C16orf74: variants seen among roughly 807,000 people sequenced by gnomAD.
C16orf74 encodes the protein uncharacterized protein C16orf74.
Under a neutral mutation model 6.5 loss-of-function variants are expected in C16orf74, and 10 were observed. That is an observed-to-expected ratio of 1.54 (90% CI 0.95 to 2.61). C16orf74 has a LOEUF of 2.61. Among genes scored for constraint, C16orf74 ranks in the 30% most tolerant of loss-of-function variants. The pLI is 0.00. For synonymous variants in C16orf74, 60 were observed against 42.5 expected, an observed-to-expected ratio of 1.41 and a Z score of -1.60; for missense variants, 141 against 105.9, an observed-to-expected ratio of 1.33 and a Z score of -1.45.
intron 3 of C16orf74, among the ~76,000 whole-genome samples, chr16:85,708,498 C>T (rs150138246): frequency 6.6e-6 from 1 of 152,342 alleles, no homozygotes; most frequent in Non-Finnish European, 1.5e-5. Context: ...AGGAGGCGCA[C>T]TGCAGCAGGA....
intron 1 of C16orf74, among the ~76,000 whole-genome samples, chr16:85,748,148 A>ATATATATATGTG: frequency 1.4e-5 from 1 of 72,670 alleles, no homozygotes; most frequent in East Asian, 2.4e-4. Context: ...ATGTGTGTGT[A>ATATATATATGTG]TATATATATA....
chr16:85,708,886 G>T (rs1175226591), intron 3 of C16orf74, among the ~76,000 whole-genome samples: 1 of 152,234 alleles, frequency 6.6e-6, no homozygotes, highest in Non-Finnish European at 1.5e-5. Context: ...CCCCTGCATG[G>T]GCCCAGCGAG....
At chr16:85,712,768 C>G (rs1197083222) in intron 2 of C16orf74, among the ~76,000 whole-genome samples, 1 of 152,188 alleles carries the variant, frequency 6.6e-6, no homozygotes, top group African/African-American at 2.4e-5. Context: ...TTTAATCTTG[C>G]CTAAAAAGAG....
chr16:85,735,453 T>G lies in C16orf74; in HGVS notation c.-18-218A>C, dbSNP rs566707397. Among the ~76,000 whole-genome samples the G allele has an allele frequency of 5.7e-4, 87 of 152,244 alleles. 2 individuals carry two copies. In the South Asian group the frequency reaches 0.012, roughly 21 times the overall value. On this transcript the variant is annotated intron_variant, in intron 1 of 3. Coordinates refer to ENST00000284245, the MANE Select transcript of C16orf74 (RefSeq NM_206967.3). The stretch of plus-strand genomic sequence containing the variant: ...ACGGTGGAAAAAACTTACGGGTGCC[T>G]CAAAGTTAAATATACAGGAAGCCAA...
rs183585582 is a variant in C16orf74 at position 85,740,646 on chromosome 16, C to T, written c.-18-5411G>A. Reference sequence around the variant, plus strand: ...GGCGGAGCTTGCAGGGAGCCGAGATCGTGCCACTGCACTCCAGCGTGGGGC... The same window carrying T: ...GGCGGAGCTTGCAGGGAGCCGAGATTGTGCCACTGCACTCCAGCGTGGGGC... On this transcript the variant is annotated intron_variant, in intron 1 of 3. Coordinates refer to ENST00000284245, the MANE Select transcript of C16orf74 (RefSeq NM_206967.3). Among the ~76,000 whole-genome samples, 799 of 149,376 alleles carry T rather than the reference C, an allele frequency of 5.3e-3. 11 individuals carry two copies. The highest frequency in any genetic ancestry group is 0.018 in the African/African-American group (734 of 40,558).
At chr16:85,749,561 G>T (rs1040398488) in intron 1 of C16orf74, among the ~76,000 whole-genome samples, 1 of 152,260 alleles carries the variant, frequency 6.6e-6, no homozygotes, top group Non-Finnish European at 1.5e-5. Flanking sequence ...GCAGCCACAG[G>T]CGTGAGCCAC....
intron 1 of C16orf74, among the ~76,000 whole-genome samples, chr16:85,741,962 C>G (rs2054313502): frequency 1.3e-5 from 2 of 152,156 alleles, no homozygotes; most frequent in African/African-American, 4.8e-5. Flanking sequence ...AACACTGGGC[C>G]TGATGGGAGG....
intron 2 of C16orf74, among the ~76,000 whole-genome samples, chr16:85,734,107 C>T (rs184013638): frequency 6.6e-6 from 1 of 152,284 alleles, no homozygotes; most frequent in Non-Finnish European, 1.5e-5. Context: ...TCCTTGTTAA[C>T]CAGTATCCGC....
chr16:85,710,388 G>A (rs1198793049), intron 2 of C16orf74, 81 bp from the exon 3 acceptor site: 5 of 1,357,084 alleles, frequency 3.7e-6, no homozygotes, highest in East Asian at 3.1e-5. Flanking sequence ...AACCGCGGGC[G>A]CCACCCTCCC....
At chr16:85,718,630 G>C (rs1337074000) in intron 2 of C16orf74, among the ~76,000 whole-genome samples, 2 of 152,236 alleles carry the variant, frequency 1.3e-5, no homozygotes, top group East Asian at 3.8e-4. Context: ...AGGCATGAGA[G>C]GTTAAGGACC....
intron 1 of C16orf74, among the ~76,000 whole-genome samples, 193 bp from the exon 2 acceptor site, chr16:85,735,428 A>C (rs410639): frequency 0.96 from 146,674 of 152,244 alleles, 70,902 homozygotes; most frequent in Non-Finnish European, 1. Context: ...GGAGTCTGTG[A>C]CGGTGGAAAA....
At chr16:85,743,471 C>G (rs2054332825) in intron 1 of C16orf74, 1 of 152,162 alleles carries the variant, frequency 6.6e-6, no homozygotes, top group African/African-American at 2.4e-5. Flanking sequence ...TCCAGCGACT[C>G]CCAGCACCCA....
intron 2 of C16orf74, among the ~76,000 whole-genome samples, chr16:85,722,469 CAGCTCCAGGTAGG>C (rs981746596): frequency 9.8e-5 from 15 of 152,322 alleles, no homozygotes; most frequent in Admixed American, 2.0e-4. Context: ...GCTGGATTTG[CAGCTCCAGGTAGG>C]AGCAACATTC....
Position 85,708,071 on chromosome 16 carries a change from G to A in C16orf74, c.173-5C>T, listed in dbSNP as rs531654974. The A allele has an allele frequency of 1.3e-6, 2 of 1,552,752 alleles. No homozygotes were observed. The highest frequency in any genetic ancestry group is 1.4e-5 in the African/African-American group (1 of 73,102). On this transcript the variant is annotated splice_region_variant and splice_polypyrimidine_tract_variant and intron_variant, in intron 3 of 3. Transcript: ENST00000284245. ...ACCCTGTCTCATCCAGCCAGACTAG[G>A]AGAAAGAGGGGATGGACACCTGGAT...
At chr16:85,726,429 G>A (rs2054133609) in intron 2 of C16orf74, among the ~76,000 whole-genome samples, 1 of 152,194 alleles carries the variant, frequency 6.6e-6, no homozygotes. Flanking sequence ...GTTGGCTCCT[G>A]TTCGCAGCTT....
intron 2 of C16orf74, among the ~76,000 whole-genome samples, chr16:85,719,997 G>C (rs896746014): frequency 7.2e-5 from 11 of 152,200 alleles, no homozygotes; most frequent in African/African-American, 2.7e-4. Flanking sequence ...TTTAGTGCAG[G>C]TCTTTCAAAA....
rs533144008 is a variant in C16orf74 at position 85,743,375 on chromosome 16, C to T, written c.-19+7551G>A. 5.3e-5 allele frequency: 8 copies of T among 152,224 alleles called. No individual in the cohort carries two copies. In the South Asian group the frequency reaches 1.2e-3, roughly 24 times the overall value. The allele number at this position is 152,224 out of a possible 1,614,324, so 9.4% of individuals were successfully genotyped here. A position where few individuals can be genotyped will look rare whatever the true frequency, so the allele number is the denominator to read the frequency against. On this transcript the variant is annotated intron_variant, in intron 1 of 3. Transcript: ENST00000284245. ...TTCTGGGCCAAGTTTGCTATAAAAACGATGCCACTGAACCCTAACAATGCC... is the reference window on the plus strand; with the variant it reads ...TTCTGGGCCAAGTTTGCTATAAAAATGATGCCACTGAACCCTAACAATGCC...
At chr16:85,735,755 C>CG (rs954761769) in intron 1 of C16orf74, among the ~76,000 whole-genome samples, 2 of 151,894 alleles carry the variant, frequency 1.3e-5, no homozygotes, top group Admixed American at 1.3e-4. Flanking sequence ...GTGTGGCCCC[C>CG]CCAGCCCACG....
At chr16:85,750,775 G>T (rs932427724) in intron 1 of C16orf74, among the ~76,000 whole-genome samples, 151 bp downstream of exon 1, 1 of 152,098 alleles carries the variant, frequency 6.6e-6, no homozygotes, top group East Asian at 1.9e-4. Flanking sequence ...GGACGCCCGG[G>T]CCCGCGTGGG....
Sources: gnomAD v4.1 joint callset for allele counts (sites outside exome capture counted in the v4.1 genomes callset) on GRCh38, gnomAD v4.1.1 for gene constraint, MANE v1.5 for transcripts, NCBI Gene and HGNC (gene_info 2026-07-23, HGNC 2026-07-21) for gene names.